Variants in ATP6V0E2 observed in about 807,000 individuals in gnomAD.
ATP6V0E2 encodes ATPase H+ transporting V0 subunit e2, also known as V-type proton ATPase subunit e 2.
A neutral mutation model predicts 11.5 loss-of-function variants in ATP6V0E2; 4 were observed. That is an observed-to-expected ratio of 0.35 (90% CI 0.17 to 0.80). ATP6V0E2 has a LOEUF of 0.80. Ranked by LOEUF, ATP6V0E2 falls within the 30% of genes least tolerant of loss-of-function variation. The probability of loss-of-function intolerance (pLI) is 0.53; values close to 1 mark genes in which losing one functional copy is unlikely to be tolerated. For synonymous variants in ATP6V0E2, 52 were observed against 51.0 expected (o/e 1.02, Z -0.09); for missense variants, 93 against 113.5 (o/e 0.82, Z 0.82).
At chr7:149,876,051 C>T (rs1803115084) in intron 2 of ATP6V0E2, 1 of 463,804 alleles carries the variant, frequency 2.2e-6, no homozygotes, top group South Asian at 1.5e-5. Context: ...TCATGAATGC[C>T]CCCAGGTGAC....
chr7:149,876,253 G>A (rs1803129318), intron 2 of ATP6V0E2, among the ~76,000 whole-genome samples: 1 of 152,220 alleles, frequency 6.6e-6, no homozygotes, highest in Non-Finnish European at 1.5e-5. Flanking sequence ...GCGCGTGCCT[G>A]TAGTCCCAGC....
Position 149,874,042 on chromosome 7 carries a change from T to G in ATP6V0E2, c.-24T>G. The G allele has an allele frequency of 6.5e-7, 1 of 1,549,656 alleles. No homozygotes were observed. The highest frequency in any genetic ancestry group is 8.7e-7 in the Non-Finnish European group (1 of 1,146,584). On this transcript the variant is annotated 5_prime_UTR_variant, in exon 1 of 4. Transcript: ENST00000425642. ...GCGCCCGCTGCTCGGCCCTGCATCC[T>G]GCCTGGGCATCCTGCGCCCGGCCAT...
At chr7:149,878,261 TTC>T (rs1463198582) in intron 2 of ATP6V0E2, among the ~76,000 whole-genome samples, 5 of 152,154 alleles carry the variant, frequency 3.3e-5, no homozygotes, top group Admixed American at 6.5e-5. Flanking sequence ...GGGTAGTTCC[TTC>T]TCTCATAAGA....
rs767416129 is a variant in ATP6V0E2 at position 149,879,760 on chromosome 7, G to C, written c.*445G>C. 3.7e-6 allele frequency: 4 copies of C among 1,089,622 alleles called. No individual in the cohort carries two copies. Among genetic ancestry groups the C allele is most frequent in the Non-Finnish European group, 4.8e-6 (4 of 829,724 alleles). 67.5% of individuals were successfully genotyped at this position (1,089,622 alleles called of 1,614,324 possible). ...CAGTCAGCAGCTCTGCCACCATCCT[G>C]CTGGGAACTGGGGGGGCCTCTATTG... On this transcript the variant is annotated 3_prime_UTR_variant, in exon 4 of 4. Transcript: ENST00000425642.
chr7:149,879,523 C>A lies in ATP6V0E2; in HGVS notation c.*208C>A, dbSNP rs974464704. 1 of 1,578,174 alleles carries A rather than the reference C, an allele frequency of 6.3e-7. No homozygotes were observed. On this transcript the variant is annotated 3_prime_UTR_variant, in exon 4 of 4. Coordinates refer to ENST00000425642, the MANE Select transcript of ATP6V0E2 (RefSeq NM_145230.4). ...CAGCCAGCCCGGGCCCTGGGGAGCC[C>A]TGGGCACAGCAGCGGCCGAGGGGAT... is the stretch of plus-strand genomic sequence containing the variant.
Position 149,879,568 on chromosome 7 carries a change from A to G in ATP6V0E2, c.*253A>G. On this transcript the variant is annotated 3_prime_UTR_variant, in exon 4 of 4. Transcript: ENST00000425642. ...GGGGATGTCCTGCTCCAATACCCGCACTGCTCTGGAGTTTGCCCTCTTTCC... is the reference window on the plus strand; with the variant it reads ...GGGGATGTCCTGCTCCAATACCCGCGCTGCTCTGGAGTTTGCCCTCTTTCC... The G allele has an allele frequency of 6.5e-7, 1 of 1,534,342 alleles. No individual in the cohort carries two copies. The highest frequency in any genetic ancestry group is 8.8e-7 in the Non-Finnish European group (1 of 1,140,162).
chr7:149,876,671 A>G (rs373283784), intron 2 of ATP6V0E2, among the ~76,000 whole-genome samples: 25 of 152,256 alleles, frequency 1.6e-4, no homozygotes, highest in African/African-American at 5.5e-4. Flanking sequence ...ACCAAGAGAT[A>G]AGTTCAAGTT....
chr7:149,873,906 G>A, upstream of ATP6V0E2: 1 of 1,506,414 alleles, frequency 6.6e-7, no homozygotes, highest in South Asian at 1.3e-5. Flanking sequence ...AGCGCGGCGG[G>A]CTGGATCAGG....
At chr7:149,873,404 A>C, upstream of ATP6V0E2, 1 of 152,810 alleles carries the variant, frequency 6.5e-6, no homozygotes, top group Non-Finnish European at 1.5e-5. Context: ...GCCTTCCCCC[A>C]AACGTCTCAG....
At chr7:149,875,774 A>G in intron 2 of ATP6V0E2, 129 bp downstream of exon 2, 1 of 901,796 alleles carries the variant, frequency 1.1e-6, no homozygotes, top group Admixed American at 2.0e-5. Context: ...CCTATAAAAC[A>G]ACAGGAGTGG....
In ATP6V0E2 at chr7:149,880,002, T is replaced by G. The variant is rs1803376499; in HGVS notation, c.*687T>G. 4.5e-6 allele frequency: 1 copy of G among 222,402 alleles called. No homozygotes were observed. The allele number at this position is 222,402 out of a possible 1,614,324, so 13.8% of individuals were successfully genotyped here. ...CTCCTGCCACCTGGACCTCCCTCAG[T>G]GGATGTCTTCCCTCCCCCGACCCCA... On this transcript the variant is annotated 3_prime_UTR_variant, in exon 4 of 4. Transcript: ENST00000425642.
chr7:149,879,181 C>G, intron 3 of ATP6V0E2, 154 bp from the exon 4 acceptor site: 1 of 1,400,492 alleles, frequency 7.1e-7, no homozygotes, highest in Non-Finnish European at 9.2e-7. Context: ...CACCCCAAGG[C>G]AAGACCCTAA....
At chr7:149,877,563 CT>C (rs11334520) in intron 2 of ATP6V0E2, among the ~76,000 whole-genome samples, 39,055 of 141,136 alleles carry the variant, frequency 0.28, 5,182 homozygotes, top group African/African-American at 0.33. Flanking sequence ...CTTAAACCCA[CT>C]TTTTTTTTTT....
intron 3 of ATP6V0E2, 25 bp downstream of exon 3, chr7:149,878,815 G>T (rs762984156): frequency 1.9e-6 from 3 of 1,604,514 alleles, no homozygotes. Flanking sequence ...AGGGGTGTGG[G>T]TGGGGAAGAG....
intron 2 of ATP6V0E2, chr7:149,875,863 G>T (rs1803104952): frequency 2.9e-6 from 2 of 686,888 alleles, no homozygotes; most frequent in South Asian, 3.1e-5. Context: ...TGCCCCCAGA[G>T]TTCTGGCCCC....
chr7:149,874,328 G>A (rs990826837), intron 1 of ATP6V0E2, among the ~76,000 whole-genome samples, 159 bp downstream of exon 1: 10 of 152,132 alleles, frequency 6.6e-5, no homozygotes, highest in Non-Finnish European at 1.3e-4. Flanking sequence ...CTGCACCTGG[G>A]TCTCTGACAG....
At chr7:149,876,689 G>T (rs1232658556) in intron 2 of ATP6V0E2, among the ~76,000 whole-genome samples, 2 of 152,222 alleles carry the variant, frequency 1.3e-5, no homozygotes, top group African/African-American at 2.4e-5. Context: ...GTTCTAGTTT[G>T]TTGGGAGGCC....
At chr7:149,873,821 T>C, upstream of ATP6V0E2, 1 of 1,427,528 alleles carries the variant, frequency 7.0e-7, no homozygotes, top group Non-Finnish European at 9.2e-7. Flanking sequence ...GCGCCCCTAT[T>C]CCTCGGCATT....
At chr7:149,876,427 C>T (rs1283799668) in intron 2 of ATP6V0E2, among the ~76,000 whole-genome samples, 3 of 152,094 alleles carry the variant, frequency 2.0e-5, no homozygotes, top group Non-Finnish European at 4.4e-5. Context: ...GAATAGGTAC[C>T]CTGGGGATAT....
Sources: allele counts gnomAD v4.1 joint callset (sites outside exome capture counted in the v4.1 genomes callset), GRCh38; gene constraint gnomAD v4.1.1; transcripts MANE v1.5; gene names NCBI Gene and HGNC (gene_info 2026-07-23, HGNC 2026-07-21).